PTPRN2: variants seen among roughly 807,000 people sequenced by gnomAD.
The protein encoded by PTPRN2 is receptor-type tyrosine-protein phosphatase N2.
In PTPRN2, 74 loss-of-function variants were observed where a neutral mutation model predicts 118.8. The observed-to-expected ratio is 0.62, with a 90% CI of 0.52 to 0.76. The LOEUF (loss-of-function observed/expected upper bound fraction) is 0.76, where lower values mean the gene tolerates loss of function less well. PTPRN2 is among the 30% of genes least tolerant of loss of function. The pLI is 0.00. For synonymous variants in PTPRN2, 641 were observed against 608.0 expected (o/e 1.05, Z -0.80); for missense variants, 1,481 against 1,394.4 (o/e 1.06, Z -0.99).
intron 12 of PTPRN2, among the ~76,000 whole-genome samples, chr7:157,766,392 C>A (rs1802493332): frequency 1.3e-5 from 2 of 151,970 alleles, no homozygotes; most frequent in African/African-American, 2.4e-5. Context: ...TTCCATCCAA[C>A]CACCATCCCT....
chr7:157,665,836 G>C (rs1010644597), intron 13 of PTPRN2, among the ~76,000 whole-genome samples: 12 of 152,180 alleles, frequency 7.9e-5, no homozygotes, highest in Non-Finnish European at 1.8e-4. Context: ...TCTTTGCAGG[G>C]ACATGGATGA....
intron 14 of PTPRN2, among the ~76,000 whole-genome samples, chr7:157,650,829 T>C (rs2150724903): frequency 6.6e-6 from 1 of 152,314 alleles, no homozygotes; most frequent in Admixed American, 6.5e-5. Flanking sequence ...CTGGCATGGT[T>C]TCGCGAGGCC....
rs1166115402 is a variant in PTPRN2, at chr7:157,784,824, G to A, written c.1789-101887C>T. On this transcript the variant is annotated intron_variant, in intron 12 of 22. Transcript: ENST00000389418. This position sits in a 1 kb window ranked among gnomAD's most constrained non-coding sequence, Gnocchi z 4.6. The stretch of plus-strand genomic sequence containing the variant: ...GGAAGGAAATGAACCCATCGTGTGG[G>A]GCGACATAGGGGCCCAGGGGGCCTG... Among the ~76,000 whole-genome samples the A allele has an allele frequency of 1.3e-5, 2 of 152,122 alleles. No individual in the cohort carries two copies. Among genetic ancestry groups the A allele is most frequent in the East Asian group, 3.9e-4 (2 of 5,156 alleles).
intron 12 of PTPRN2, among the ~76,000 whole-genome samples, chr7:157,811,332 T>TATA (rs1806024856): frequency 7.6e-6 from 1 of 131,296 alleles, no homozygotes; most frequent in Non-Finnish European, 1.6e-5. Context: ...ATCTACTCTA[T>TATA]TATATATATA....
intron 13 of PTPRN2, among the ~76,000 whole-genome samples, chr7:157,668,690 C>T (rs1456413102): frequency 2.0e-5 from 3 of 152,168 alleles, no homozygotes; most frequent in African/African-American, 4.8e-5. Flanking sequence ...GGGCCCGGTG[C>T]AACCACAGGT....
At chr7:158,473,107 A>G (rs1819990452) in intron 2 of PTPRN2, among the ~76,000 whole-genome samples, 1 of 152,250 alleles carries the variant, frequency 6.6e-6, no homozygotes, top group Non-Finnish European at 1.5e-5. Flanking sequence ...TGTGCTTTTC[A>G]AAATGGTATG....
intron 9 of PTPRN2, among the ~76,000 whole-genome samples, chr7:158,131,540 C>T (rs999840377): frequency 3.4e-5 from 5 of 145,352 alleles, no homozygotes; most frequent in Admixed American, 6.8e-5. Context: ...TACACACACA[C>T]GGGTACATAC....
chr7:158,356,233 C>G (rs753015074), intron 2 of PTPRN2, among the ~76,000 whole-genome samples: 2 of 152,176 alleles, frequency 1.3e-5, no homozygotes, highest in African/African-American at 2.4e-5. Context: ...CCTCGGGAAT[C>G]TAAAATAACC....
intron 3 of PTPRN2, among the ~76,000 whole-genome samples, chr7:158,234,057 C>T (rs1162313384): frequency 6.6e-6 from 1 of 152,116 alleles, no homozygotes; most frequent in African/African-American, 2.4e-5. Context: ...GGACATTGAT[C>T]AGGGCAAAGA....
rs1188843357 is a variant in PTPRN2, at chr7:157,629,142, G to A, written c.2197-7633C>T. ...ACTGGGGTAGTGCATCTGGAGACTT[G>A]TAAAGGGTCCAGATGTGGTTCCATG... On this transcript the variant is annotated intron_variant, in intron 14 of 22. Transcript: ENST00000389418. This position sits in a 1 kb window ranked among gnomAD's most constrained non-coding sequence, Gnocchi z 4.4. Among the ~76,000 whole-genome samples the A allele has an allele frequency of 6.6e-6, 1 of 152,118 alleles. No homozygotes were observed. The highest frequency in any genetic ancestry group is 1.5e-5 in the Non-Finnish European group (1 of 68,018).
chr7:158,061,626 G>A (rs7455546), intron 11 of PTPRN2, among the ~76,000 whole-genome samples: 1 of 152,044 alleles, frequency 6.6e-6, no homozygotes, highest in Non-Finnish European at 1.5e-5. Flanking sequence ...ACGGAGGAAG[G>A]CTGTGGCTCC....
chr7:158,015,260 T>A lies in PTPRN2; in HGVS notation c.1723+66038A>T, dbSNP rs1806361460. ...TTGAATCTAGTGATTTGGTTGTTGATCTTTGAACTTCTCTAAGCCATTATA... is the reference window on the plus strand; with the variant it reads ...TTGAATCTAGTGATTTGGTTGTTGAACTTTGAACTTCTCTAAGCCATTATA... On this transcript the variant is annotated intron_variant, in intron 11 of 22. Coordinates refer to ENST00000389418, the MANE Select transcript of PTPRN2 (RefSeq NM_002847.5). The surrounding 1 kb of genome is among the most constrained non-coding windows in gnomAD (Gnocchi z 4.2). 6.6e-6 allele frequency among the ~76,000 whole-genome samples: 1 copy of A among 152,238 alleles called. No individual in the cohort carries two copies. The highest frequency in any genetic ancestry group is 1.5e-5 in the Non-Finnish European group (1 of 68,046).
intron 2 of PTPRN2, among the ~76,000 whole-genome samples, chr7:158,417,742 C>T (rs1814830059): frequency 9.5e-5 from 1 of 10,546 alleles, no homozygotes; most frequent in African/African-American, 5.9e-4. Flanking sequence ...TCACGGTGTA[C>T]TACATCGAGA....
chr7:157,777,196 AT>A (rs1344168686), intron 12 of PTPRN2, among the ~76,000 whole-genome samples: 2 of 152,170 alleles, frequency 1.3e-5, no homozygotes, highest in East Asian at 3.9e-4. Context: ...GAATGCTTGC[AT>A]TTTTTTCACA....
chr7:158,149,945 G>GA (rs1174276861), intron 6 of PTPRN2, among the ~76,000 whole-genome samples: 3 of 152,068 alleles, frequency 2.0e-5, no homozygotes, highest in African/African-American at 4.8e-5. Flanking sequence ...TAAAACATAT[G>GA]AAAAATAAAA....
At chr7:158,289,972 C>A (rs1274960159) in intron 3 of PTPRN2, among the ~76,000 whole-genome samples, 1 of 152,094 alleles carries the variant, frequency 6.6e-6, no homozygotes, top group Non-Finnish European at 1.5e-5. Context: ...CTGGAGTGGA[C>A]CTGTTGATTG....
At chr7:158,322,937 G>A (rs375642094) in intron 2 of PTPRN2, among the ~76,000 whole-genome samples, 36 of 152,346 alleles carry the variant, frequency 2.4e-4, no homozygotes, top group African/African-American at 8.4e-4. Context: ...TGGTGGTCAT[G>A]GAGACCAGAG....
At chr7:158,512,166 G>A (rs547373844) in intron 1 of PTPRN2, among the ~76,000 whole-genome samples, 1 of 152,334 alleles carries the variant, frequency 6.6e-6, no homozygotes, top group South Asian at 2.1e-4. Flanking sequence ...GAGAAAAAGT[G>A]CTGACCTACA....
At chr7:158,273,199 C>T (rs941032916) in intron 3 of PTPRN2, among the ~76,000 whole-genome samples, 1 of 152,268 alleles carries the variant, frequency 6.6e-6, no homozygotes, top group East Asian at 1.9e-4. Flanking sequence ...GGACAGGGCA[C>T]GTGGAGCTCC....
Sources: allele counts gnomAD v4.1 joint callset (sites outside exome capture counted in the v4.1 genomes callset), GRCh38; gene constraint gnomAD v4.1.1; non-coding constraint Gnocchi (gnomAD v3.1); transcripts MANE v1.5; gene names NCBI Gene and HGNC (gene_info 2026-07-23, HGNC 2026-07-21).